Variants in PSD3 observed in about 807,000 individuals in gnomAD.
PSD3 encodes PH and SEC7 domain-containing protein 3.
Under a neutral mutation model 105.5 loss-of-function variants are expected in PSD3, and 49 were observed. The observed-to-expected ratio is 0.46, with a 90% CI of 0.37 to 0.59. The LOEUF is 0.59. PSD3 is among the 20% of genes least tolerant of loss of function. The pLI is 0.00. For missense variants in PSD3, 1,561 were observed against 1,263.8 expected (o/e 1.24, Z -3.57); for synonymous variants, 557 against 457.8 (o/e 1.22, Z -2.77).
intron 15 of PSD3, among the ~76,000 whole-genome samples, chr8:18,553,630 ACT>A (rs1157334934): frequency 1.3e-5 from 2 of 152,050 alleles, no homozygotes; most frequent in Non-Finnish European, 2.9e-5. Flanking sequence ...CTGTGCAAAG[ACT>A]CTCTGCAAGC....
intron 1 of PSD3, among the ~76,000 whole-genome samples, chr8:19,055,505 G>A (rs986206633): frequency 2.5e-4 from 38 of 152,152 alleles, no homozygotes; most frequent in South Asian, 2.1e-4. Flanking sequence ...CACCCGCCTC[G>A]GCCTCCCAAA....
At chr8:18,542,934 GC>G (rs1236470348) in intron 15 of PSD3, among the ~76,000 whole-genome samples, 1 of 152,086 alleles carries the variant, frequency 6.6e-6, no homozygotes, top group Non-Finnish European at 1.5e-5. Context: ...TAATTTCAGA[GC>G]CCCACACTCA....
At chr8:18,620,872 G>C (rs563900866) in intron 11 of PSD3, among the ~76,000 whole-genome samples, 1 of 152,250 alleles carries the variant, frequency 6.6e-6, no homozygotes, top group South Asian at 2.1e-4. Flanking sequence ...TAAAGAATTT[G>C]ACACACTGCA....
chr8:18,852,462 TC>T (rs1815664738), intron 4 of PSD3, among the ~76,000 whole-genome samples: 1 of 152,200 alleles, frequency 6.6e-6, no homozygotes, highest in Non-Finnish European at 1.5e-5. Context: ...GACAGTCCTT[TC>T]TTGAGTGGGT....
intron 9 of PSD3, among the ~76,000 whole-genome samples, chr8:18,679,712 G>C (rs1800274319): frequency 6.6e-6 from 1 of 152,176 alleles, no homozygotes; most frequent in Admixed American, 6.5e-5. Flanking sequence ...AACCAGGGTA[G>C]CCCGCCAGGA....
At chr8:18,724,543 C>G (rs148964072) in intron 9 of PSD3, among the ~76,000 whole-genome samples, 238 of 152,106 alleles carry the variant, frequency 1.6e-3, no homozygotes, top group African/African-American at 5.5e-3. Context: ...AGCCCAGAGT[C>G]TGAGGCTGCA....
chr8:18,667,623 G>T lies in PSD3; in HGVS notation c.2173-11938C>A, dbSNP rs1473345221. Among the ~76,000 whole-genome samples, 9 of 152,232 alleles carry T rather than the reference G, an allele frequency of 5.9e-5. 1 individual carries two copies. The highest frequency in any genetic ancestry group is 2.2e-4 in the African/African-American group (9 of 41,480). The stretch of plus-strand genomic sequence containing the variant: ...TTAGGAGCCCAGCTGGCTTCACCCA[G>T]TGGATCCTGAACCAGGCGGCAGGCA... On this transcript the variant is annotated intron_variant, in intron 9 of 15. Transcript: ENST00000327040.
intron 9 of PSD3, among the ~76,000 whole-genome samples, chr8:18,758,588 G>A (rs1406393006): frequency 6.6e-6 from 1 of 151,892 alleles, no homozygotes; most frequent in South Asian, 2.1e-4. Flanking sequence ...AAAGCCTAAT[G>A]GTTACAAATC....
At chr8:19,028,120 TA>T (rs1827624503) in intron 1 of PSD3, among the ~76,000 whole-genome samples, 1 of 152,126 alleles carries the variant, frequency 6.6e-6, no homozygotes, top group Non-Finnish European at 1.5e-5. Context: ...TGTCAACTTT[TA>T]AAAAAACATT....
intron 1 of PSD3, among the ~76,000 whole-genome samples, chr8:19,051,415 T>C (rs1828525264): frequency 6.6e-6 from 1 of 152,186 alleles, no homozygotes; most frequent in Non-Finnish European, 1.5e-5. Context: ...TTGTCATCTT[T>C]AGTTATCTAT....
chr8:18,948,315 A>G (rs1233446113), intron 1 of PSD3, among the ~76,000 whole-genome samples: 1 of 152,204 alleles, frequency 6.6e-6, no homozygotes, highest in African/African-American at 2.4e-5. Context: ...CAGACTCTGG[A>G]TTCTTAACAG....
chr8:19,017,252 A>G (rs892895197), upstream of PSD3, among the ~76,000 whole-genome samples: 1 of 151,800 alleles, frequency 6.6e-6, no homozygotes, highest in African/African-American at 2.4e-5. Context: ...GTCTCCCTAT[A>G]TGGCTAGGCT....
intron 14 of PSD3, among the ~76,000 whole-genome samples, chr8:18,563,245 G>T (rs753550843): frequency 6.6e-6 from 1 of 152,126 alleles, no homozygotes; most frequent in Non-Finnish European, 1.5e-5. Context: ...AGAAGTTGAG[G>T]GCCAAGGCAA....
At chr8:18,584,256 T>A (rs998530466) in intron 12 of PSD3, among the ~76,000 whole-genome samples, 1 of 152,182 alleles carries the variant, frequency 6.6e-6, no homozygotes, top group Non-Finnish European at 1.5e-5. Flanking sequence ...CATTCTTTAT[T>A]CAAGTCAGAG....
intron 6 of PSD3, among the ~76,000 whole-genome samples, chr8:18,804,076 T>C (rs971667075): frequency 6.6e-6 from 1 of 152,214 alleles, no homozygotes; most frequent in Non-Finnish European, 1.5e-5. Flanking sequence ...TATCAATTCA[T>C]GTGTCATTTC....
At position 18,963,676 on chromosome 8, in the gene PSD3, G is replaced by C. The variant is rs1230975777; in HGVS notation, c.22-27534C>G. ...TGGGAGAAAATAAGAAATGGGGGGA[G>C]AGAATGAATGGCCAACAGCAATGTT... On this transcript the variant is annotated intron_variant, in intron 1 of 15. Transcript: ENST00000327040. Among the ~76,000 whole-genome samples, 3 of 152,162 alleles carry C rather than the reference G, an allele frequency of 2.0e-5. No individual in the cohort carries two copies. In the East Asian group the frequency reaches 5.8e-4, roughly 29 times the overall value.
intron 4 of PSD3, among the ~76,000 whole-genome samples, chr8:18,848,787 G>A (rs567041969): frequency 7.2e-5 from 11 of 152,292 alleles, no homozygotes; most frequent in African/African-American, 2.4e-4. Context: ...AGGTTGGGGC[G>A]GAATGCAGAG....
chr8:18,889,267 T>C (rs1234303986), intron 2 of PSD3, among the ~76,000 whole-genome samples: 2 of 152,210 alleles, frequency 1.3e-5, no homozygotes, highest in Admixed American at 6.5e-5. Context: ...GTTTTGTTTG[T>C]ATTGATTATA....
chr8:18,566,712 A>T (rs1801788618), intron 14 of PSD3, among the ~76,000 whole-genome samples: 2 of 152,102 alleles, frequency 1.3e-5, no homozygotes, highest in African/African-American at 4.8e-5. Context: ...CTTACATGAT[A>T]CTGCAGGATA....
Sources: allele counts gnomAD v4.1 joint callset (sites outside exome capture counted in the v4.1 genomes callset), GRCh38; gene constraint gnomAD v4.1.1; transcripts MANE v1.5; gene names NCBI Gene and HGNC (gene_info 2026-07-23, HGNC 2026-07-21).